Variants in FGF10 observed in about 807,000 individuals in gnomAD.
FGF10 encodes the protein fibroblast growth factor 10, also known as FGF-10.
A neutral mutation model predicts 19.8 loss-of-function variants in FGF10; 2 were observed. The observed-to-expected ratio is 0.10, with a 90% CI of 0.04 to 0.32. The LOEUF (loss-of-function observed/expected upper bound fraction) is 0.32. Ranked by LOEUF, FGF10 falls within the 10% of genes least tolerant of loss-of-function variation. The pLI, the probability that FGF10 is intolerant of heterozygous loss-of-function variation, is 1.00. For missense variants in FGF10, 191 were observed against 246.3 expected, an observed-to-expected ratio of 0.78 and a Z score of 1.50; for synonymous variants, 112 against 94.0, an observed-to-expected ratio of 1.19 and a Z score of -1.10.
Position 44,300,906 on chromosome 5 carries a change from T to C in FGF10, c.*4089A>G, listed in dbSNP as rs1228006842. ...GAGTTATATCTAGGATGTTTACCTT[T>C]TTGGATCTTGTAGTAAAGGAGTTTG... On this transcript the variant is annotated 3_prime_UTR_variant, in exon 3 of 3. Coordinates refer to ENST00000264664, the MANE Select transcript of FGF10 (RefSeq NM_004465.2). Among the ~76,000 whole-genome samples, 1 of 152,112 alleles carries C rather than the reference T, an allele frequency of 6.6e-6. No individual in the cohort carries two copies. Among genetic ancestry groups the C allele is most frequent in the East Asian group, 1.9e-4 (1 of 5,168 alleles).
chr5:44,373,648 G>A (rs146603049), intron 1 of FGF10, among the ~76,000 whole-genome samples: 6 of 152,074 alleles, frequency 3.9e-5, no homozygotes, highest in African/African-American at 1.4e-4. Flanking sequence ...ATTTCCTTCT[G>A]AGCCCTCAAA....
chr5:44,371,527 G>T (rs1048293581), intron 1 of FGF10, among the ~76,000 whole-genome samples: 3 of 151,966 alleles, frequency 2.0e-5, no homozygotes, highest in Admixed American at 6.6e-5. Flanking sequence ...TTGGTTTAGC[G>T]CCTATCTTCA....
chr5:44,309,615 A>AT (rs1166235939), intron 2 of FGF10, among the ~76,000 whole-genome samples: 1 of 152,080 alleles, frequency 6.6e-6, no homozygotes, highest in Non-Finnish European at 1.5e-5. Flanking sequence ...TGATTGATGC[A>AT]TTTTTTTCTA....
chr5:44,384,893 A>G lies in FGF10; in HGVS notation c.325+3465T>C, dbSNP rs559063397. On this transcript the variant is annotated intron_variant, in intron 1 of 2. Coordinates refer to ENST00000264664, the MANE Select transcript of FGF10 (RefSeq NM_004465.2). ...TTCTTAATTGTCTCAAGTTTAGGGTACATTTTCCTTTCACTAGATCCCTCT... is the reference window on the plus strand; with the variant it reads ...TTCTTAATTGTCTCAAGTTTAGGGTGCATTTTCCTTTCACTAGATCCCTCT... Among the ~76,000 whole-genome samples, 4 of 152,146 alleles carry G rather than the reference A, an allele frequency of 2.6e-5. No individual in the cohort carries two copies. The South Asian group carries it at 8.3e-4, about 32-fold the overall frequency.
chr5:44,334,161 T>C (rs898833285), intron 1 of FGF10, among the ~76,000 whole-genome samples: 1 of 152,114 alleles, frequency 6.6e-6, no homozygotes, highest in Non-Finnish European at 1.5e-5. Context: ...CAGTTACTTG[T>C]CTTGAAACTT....
At chr5:44,363,285 CAATT>C (rs1485780983) in intron 1 of FGF10, among the ~76,000 whole-genome samples, 4 of 151,756 alleles carry the variant, frequency 2.6e-5, no homozygotes, top group Non-Finnish European at 5.9e-5. Flanking sequence ...TGGTAAATCT[CAATT>C]AAACACAATC....
intron 1 of FGF10, among the ~76,000 whole-genome samples, chr5:44,371,196 C>A (rs542329125): frequency 5.3e-5 from 8 of 151,964 alleles, no homozygotes; most frequent in African/African-American, 1.9e-4. Context: ...GTAGAACTGG[C>A]GGCTTTATAA....
At chr5:44,367,824 T>G (rs1227637685) in intron 1 of FGF10, among the ~76,000 whole-genome samples, 1 of 139,290 alleles carries the variant, frequency 7.2e-6, no homozygotes, top group African/African-American at 2.7e-5. Context: ...CAATGCTGCC[T>G]AAGAAAATTT....
chr5:44,306,290 G>A (rs1264969958), intron 2 of FGF10, among the ~76,000 whole-genome samples: 8 of 152,076 alleles, frequency 5.3e-5, no homozygotes, highest in Admixed American at 1.3e-4. Flanking sequence ...TCAGCTACTC[G>A]GCAGGCTGAG....
intron 1 of FGF10, among the ~76,000 whole-genome samples, chr5:44,353,541 G>A (rs1340880766): frequency 1.3e-5 from 2 of 151,488 alleles, no homozygotes; most frequent in African/African-American, 4.8e-5. Flanking sequence ...TGGTAATTAT[G>A]TAGAAATAAT....
At chr5:44,376,501 A>AAC in intron 1 of FGF10, among the ~76,000 whole-genome samples, 1 of 112,462 alleles carries the variant, frequency 8.9e-6, no homozygotes, top group South Asian at 2.7e-4. Flanking sequence ...AAAAAAAAAA[A>AAC]AAAAAAAAAA....
chr5:44,311,734 C>A (rs1442301755), intron 1 of FGF10, among the ~76,000 whole-genome samples: 1 of 152,082 alleles, frequency 6.6e-6, no homozygotes, highest in Non-Finnish European at 1.5e-5. Flanking sequence ...AAATCCTGAA[C>A]AATACATACA....
In FGF10 at chr5:44,300,831, T is replaced by C. The variant is rs1739952114; in HGVS notation, c.*4164A>G. Among the ~76,000 whole-genome samples the C allele has an allele frequency of 6.6e-6, 1 of 152,032 alleles. No homozygotes were observed. Among genetic ancestry groups the C allele is most frequent in the Non-Finnish European group, 1.5e-5 (1 of 68,002 alleles). On this transcript the variant is annotated 3_prime_UTR_variant, in exon 3 of 3. Coordinates refer to ENST00000264664, the MANE Select transcript of FGF10 (RefSeq NM_004465.2). ...TGGTCAATCACAATTCCCAAATCTCTTATACTGATTGGTCTAGAGGTTGGT... is the reference window on the plus strand; with the variant it reads ...TGGTCAATCACAATTCCCAAATCTCCTATACTGATTGGTCTAGAGGTTGGT...
At chr5:44,353,702 A>G (rs954770078) in intron 1 of FGF10, among the ~76,000 whole-genome samples, 4 of 151,478 alleles carry the variant, frequency 2.6e-5, no homozygotes, top group African/African-American at 9.7e-5. Flanking sequence ...AAGTGGTAGA[A>G]GTTCCACCAT....
chr5:44,339,497 C>T (rs1239123539), intron 1 of FGF10, among the ~76,000 whole-genome samples: 1 of 152,066 alleles, frequency 6.6e-6, no homozygotes, highest in African/African-American at 2.4e-5. Context: ...TATAAGTGGG[C>T]TTTGTTCTGG....
chr5:44,362,914 G>A (rs1741524923), intron 1 of FGF10, among the ~76,000 whole-genome samples: 1 of 151,580 alleles, frequency 6.6e-6, no homozygotes, highest in Non-Finnish European at 1.5e-5. Context: ...ATGATTATGT[G>A]TTTATGCGTC....
rs1741776179 is a variant in FGF10 at position 44,372,995 on chromosome 5, T to C, written c.325+15363A>G. 2.0e-5 allele frequency among the ~76,000 whole-genome samples: 3 copies of C among 152,212 alleles called. No homozygotes were observed. In the South Asian group the frequency reaches 6.2e-4, roughly 32 times the overall value. The stretch of plus-strand genomic sequence containing the variant: ...CTTTTTCTTTAAAGCTATCATGTGT[T>C]TGCAGCTGAATAGTTTTATCAACTT... On this transcript the variant is annotated intron_variant, in intron 1 of 2. Transcript: ENST00000264664.
At chr5:44,326,445 C>G (rs896053677) in intron 1 of FGF10, among the ~76,000 whole-genome samples, 1 of 152,144 alleles carries the variant, frequency 6.6e-6, no homozygotes, top group African/African-American at 2.4e-5. Context: ...GTCACCCATG[C>G]TGGAGTGCAG....
At chr5:44,311,992 C>T (rs1452303980) in intron 1 of FGF10, among the ~76,000 whole-genome samples, 2 of 152,028 alleles carry the variant, frequency 1.3e-5, no homozygotes, top group Non-Finnish European at 2.9e-5. Context: ...TAACCAGAGA[C>T]TTTGCCAAGA....
Sources: gnomAD v4.1 joint callset for allele counts (sites outside exome capture counted in the v4.1 genomes callset) on GRCh38, gnomAD v4.1.1 for gene constraint, MANE v1.5 for transcripts, NCBI Gene and HGNC (gene_info 2026-07-23, HGNC 2026-07-21) for gene names.